PTPRD: variants seen among roughly 807,000 people sequenced by gnomAD.
PTPRD encodes protein tyrosine phosphatase receptor type D, also known as receptor-type tyrosine-protein phosphatase delta.
PTPRD carries 34 observed loss-of-function variants against 214.5 expected under a neutral mutation model. That is an observed-to-expected ratio of 0.16 (90% CI 0.12 to 0.21). The LOEUF (loss-of-function observed/expected upper bound fraction) is 0.21. Ranked by LOEUF, PTPRD falls within the 10% of genes least tolerant of loss-of-function variation. The pLI, the probability that PTPRD is intolerant of heterozygous loss-of-function variation, is 1.00. For missense variants in PTPRD, 2,545 were observed against 2,398.7 expected (o/e 1.06, Z -1.27); for synonymous variants, 1,128 against 845.7 (o/e 1.33, Z -5.79).
Position 10,074,022 on chromosome 9 carries a change from T to C in PTPRD, c.-544-40232A>G, listed in dbSNP as rs180702792. Among the ~76,000 whole-genome samples the C allele has an allele frequency of 4.6e-5, 7 of 152,268 alleles. 1 individual carries two copies. The East Asian group carries it at 1.4e-3, about 30-fold the overall frequency. Reference sequence around the variant, plus strand: ...AGTGCACATAAAATACTGTGATGCTTATAATCACCAAATAAATATGCTCCA... The same window carrying C: ...AGTGCACATAAAATACTGTGATGCTCATAATCACCAAATAAATATGCTCCA... On this transcript the variant is annotated intron_variant, in intron 3 of 45. Coordinates refer to ENST00000381196, the MANE Select transcript of PTPRD (RefSeq NM_002839.4).
intron 5 of PTPRD, among the ~76,000 whole-genome samples, chr9:9,832,713 A>G (rs1565607313): frequency 6.6e-6 from 1 of 151,996 alleles, no homozygotes; most frequent in African/African-American, 2.4e-5. Flanking sequence ...ACACTTTCCT[A>G]TCAGTGGAAC....
At chr9:10,127,783 T>C (rs1186183086) in intron 3 of PTPRD, among the ~76,000 whole-genome samples, 1 of 152,154 alleles carries the variant, frequency 6.6e-6, no homozygotes, top group Non-Finnish European at 1.5e-5. Context: ...TAATCTATTT[T>C]GATCTCCAGT....
At position 9,725,581 on chromosome 9, in the gene PTPRD, T is replaced by C. The variant is rs138982194; in HGVS notation, c.-287+8952A>G. ...ATTCAGGGCTTGCTTAATAAGTTGG[T>C]TCTCCTTATCTCCATTCCATTTTTG... On this transcript the variant is annotated intron_variant, in intron 7 of 45. Coordinates refer to ENST00000381196, the MANE Select transcript of PTPRD (RefSeq NM_002839.4). Among the ~76,000 whole-genome samples, 24 of 152,300 alleles carry C rather than the reference T, an allele frequency of 1.6e-4. No individual in the cohort carries two copies. The East Asian group carries it at 4.4e-3, about 28-fold the overall frequency.
At chr9:8,580,675 T>A (rs12683419) in intron 14 of PTPRD, among the ~76,000 whole-genome samples, 1 of 152,018 alleles carries the variant, frequency 6.6e-6, no homozygotes, top group African/African-American at 2.4e-5. Flanking sequence ...AATTGTGTAA[T>A]TATTGGAATA....
intron 3 of PTPRD, among the ~76,000 whole-genome samples, chr9:10,096,232 T>C (rs2098482815): frequency 6.6e-6 from 1 of 151,696 alleles, no homozygotes; most frequent in South Asian, 2.1e-4. Flanking sequence ...TACTAAGATA[T>C]AAATTGAGAT....
chr9:8,959,055 C>T (rs1483308020), intron 11 of PTPRD, among the ~76,000 whole-genome samples: 1 of 152,014 alleles, frequency 6.6e-6, no homozygotes, highest in Non-Finnish European at 1.5e-5. Flanking sequence ...ATGCCAAACA[C>T]ACTCACTAAG....
At chr9:9,474,545 T>TA (rs1381186388) in intron 8 of PTPRD, among the ~76,000 whole-genome samples, 1 of 152,122 alleles carries the variant, frequency 6.6e-6, no homozygotes, top group African/African-American at 2.4e-5. Flanking sequence ...ACGGTAATTT[T>TA]AAAAATATTA....
chr9:9,220,712 T>A (rs1052161083), intron 9 of PTPRD, among the ~76,000 whole-genome samples: 4 of 152,116 alleles, frequency 2.6e-5, no homozygotes, highest in African/African-American at 9.6e-5. Context: ...TGACATATAC[T>A]GTAAAATGTA....
chr9:8,559,023 C>CAT (rs145584510), intron 14 of PTPRD, among the ~76,000 whole-genome samples: 22,103 of 152,074 alleles, frequency 0.15, 4,854 homozygotes, highest in African/African-American at 0.48. Context: ...CCTACATTTA[C>CAT]ATAGTCTAAT....
intron 2 of PTPRD, among the ~76,000 whole-genome samples, chr9:10,342,058 T>G (rs1163142492): frequency 6.6e-6 from 1 of 152,072 alleles, no homozygotes; most frequent in African/African-American, 2.4e-5. Context: ...AAATTGCAAT[T>G]AAAGGGATAG....
chr9:9,877,043 C>A (rs1415289961), intron 5 of PTPRD, among the ~76,000 whole-genome samples: 1 of 152,104 alleles, frequency 6.6e-6, no homozygotes, highest in African/African-American at 2.4e-5. Flanking sequence ...CTTATTTAAG[C>A]TTTTTGATGC....
At chr9:9,969,873 A>C (rs183971201) in intron 4 of PTPRD, among the ~76,000 whole-genome samples, 6 of 152,334 alleles carry the variant, frequency 3.9e-5, no homozygotes, top group Admixed American at 3.9e-4. Flanking sequence ...GTGGGGAAGC[A>C]GGAACTTGTA....
At chr9:10,118,363 C>A (rs977705473) in intron 3 of PTPRD, among the ~76,000 whole-genome samples, 1 of 151,006 alleles carries the variant, frequency 6.6e-6, no homozygotes, top group African/African-American at 2.4e-5. Context: ...GGCAATCATG[C>A]CAAAAGAAAT....
At chr9:9,318,165 T>G (rs1374242307) in intron 9 of PTPRD, among the ~76,000 whole-genome samples, 1 of 135,492 alleles carries the variant, frequency 7.4e-6, no homozygotes, top group Non-Finnish European at 1.6e-5. Context: ...GAGTGAAAAC[T>G]CCATCAAAAA....
intron 12 of PTPRD, among the ~76,000 whole-genome samples, chr9:8,649,020 C>T (rs1357053539): frequency 6.6e-6 from 1 of 152,178 alleles, no homozygotes; most frequent in African/African-American, 2.4e-5. Context: ...GGAAAGGTAA[C>T]TGGCTTATTT....
rs190771327 is a variant in PTPRD at position 10,337,592 on chromosome 9, G to T, written c.-545+3371C>A. Among the ~76,000 whole-genome samples, 139 of 151,212 alleles carry T rather than the reference G, an allele frequency of 9.2e-4. No homozygotes were observed. In the Middle Eastern group the frequency reaches 0.021, roughly 22 times the overall value. On this transcript the variant is annotated intron_variant, in intron 3 of 45. Coordinates refer to ENST00000381196, the MANE Select transcript of PTPRD (RefSeq NM_002839.4). ...ATGCATTTTTTTCCTTTGCAATTTGGGAATTTAAAAAAACCAACAGTTTTA... is the reference window on the plus strand; with the variant it reads ...ATGCATTTTTTTCCTTTGCAATTTGTGAATTTAAAAAAACCAACAGTTTTA...
chr9:10,134,329 G>C (rs1375495158), intron 3 of PTPRD, among the ~76,000 whole-genome samples: 2 of 152,144 alleles, frequency 1.3e-5, no homozygotes, highest in Non-Finnish European at 2.9e-5. Flanking sequence ...TATGGGTGTG[G>C]CACCAGTGAT....
At position 10,549,271 on chromosome 9, in the gene PTPRD, C is replaced by T. The variant is rs900573735; in HGVS notation, c.-600+63127G>A. On this transcript the variant is annotated intron_variant, in intron 2 of 45. Transcript: ENST00000381196. ...CATAATGCAATGTTGTGTCAAATAA[C>T]CCTGTTAGACTTCTACATCCAAACC... Among the ~76,000 whole-genome samples, 5 of 152,058 alleles carry T rather than the reference C, an allele frequency of 3.3e-5. No individual in the cohort carries two copies. The East Asian group carries it at 9.6e-4, about 29-fold the overall frequency.
At chr9:9,401,104 AT>A (rs534041052) in intron 8 of PTPRD, among the ~76,000 whole-genome samples, 197 of 152,116 alleles carry the variant, frequency 1.3e-3, no homozygotes, top group African/African-American at 4.5e-3. Context: ...TAAACAAGCT[AT>A]TTCAGTATTG....
Sources: allele counts gnomAD v4.1 joint callset (sites outside exome capture counted in the v4.1 genomes callset), GRCh38; gene constraint gnomAD v4.1.1; transcripts MANE v1.5; gene names NCBI Gene and HGNC (gene_info 2026-07-23, HGNC 2026-07-21).